MDGA2: variants seen among roughly 807,000 people sequenced by gnomAD.
MDGA2 encodes the protein MAM domain containing glycosylphosphatidylinositol anchor 2.
Under a neutral mutation model 117.8 loss-of-function variants are expected in MDGA2, and 40 were observed. The ratio of observed to expected loss-of-function variants is 0.34; its 90% CI spans 0.26 to 0.44. MDGA2 has a LOEUF of 0.44. Among genes scored for constraint, MDGA2 ranks in the 20% least tolerant of loss-of-function variants. The probability of loss-of-function intolerance (pLI) is 1.00; values close to 1 mark genes in which losing one functional copy is unlikely to be tolerated. For synonymous variants in MDGA2, 452 were observed against 439.0 expected (o/e 1.03, Z -0.37); for missense variants, 1,123 against 1,250.6 (o/e 0.90, Z 1.54).
chr14:47,168,407 C>G (rs1312813891), intron 3 of MDGA2, among the ~76,000 whole-genome samples: 1 of 151,552 alleles, frequency 6.6e-6, no homozygotes, highest in Non-Finnish European at 1.5e-5. Flanking sequence ...AATTTCATTA[C>G]CATAATTTGA....
chr14:47,041,437 T>C (rs975261852), intron 7 of MDGA2, among the ~76,000 whole-genome samples: 1 of 152,238 alleles, frequency 6.6e-6, no homozygotes. Flanking sequence ...ATTTATGCAA[T>C]GTACTTGCTA....
intron 9 of MDGA2, among the ~76,000 whole-genome samples, chr14:46,934,302 T>G (rs928900714): frequency 1.3e-5 from 2 of 152,030 alleles, no homozygotes; most frequent in Non-Finnish European, 2.9e-5. Flanking sequence ...CTTTTATAAT[T>G]TACAACTAAA....
At chr14:46,917,991 T>C (rs1349437931) in intron 10 of MDGA2, among the ~76,000 whole-genome samples, 1 of 152,126 alleles carries the variant, frequency 6.6e-6, no homozygotes, top group African/African-American at 2.4e-5. Flanking sequence ...ACACAGATAC[T>C]AAGTAGAAAC....
chr14:47,181,584 C>A (rs974706101), intron 3 of MDGA2, among the ~76,000 whole-genome samples: 2 of 152,162 alleles, frequency 1.3e-5, no homozygotes, highest in African/African-American at 4.8e-5. Context: ...ATTAATATAA[C>A]CTTAGCTTGT....
At chr14:47,053,601 G>GTATATATATATATATA (rs373802720) in intron 7 of MDGA2, among the ~76,000 whole-genome samples, 1 of 107,618 alleles carries the variant, frequency 9.3e-6, no homozygotes, top group Non-Finnish European at 1.8e-5. Context: ...GTGTGTATGT[G>GTATATATATATATATA]TATATATATA....
chr14:47,642,261 T>C (rs749039624), intron 1 of MDGA2, among the ~76,000 whole-genome samples: 1 of 152,086 alleles, frequency 6.6e-6, no homozygotes, highest in East Asian at 1.9e-4. Context: ...ACTTATCTCA[T>C]TGGACTCTTA....
chr14:47,452,254 T>C (rs1341917602), intron 1 of MDGA2, among the ~76,000 whole-genome samples: 2 of 151,976 alleles, frequency 1.3e-5, no homozygotes, highest in African/African-American at 4.8e-5. Flanking sequence ...ATTCCCCACA[T>C]TTTGCTGAAG....
intron 1 of MDGA2, among the ~76,000 whole-genome samples, chr14:47,405,736 G>T (rs992082552): frequency 6.6e-6 from 1 of 152,138 alleles, no homozygotes; most frequent in Non-Finnish European, 1.5e-5. Context: ...AGCACTTGGG[G>T]CATGAAGGCA....
In MDGA2 at chr14:47,552,951, C is replaced by T. The variant is rs567377179; in HGVS notation, c.280+121566G>A. Among the ~76,000 whole-genome samples the T allele has an allele frequency of 5.3e-5, 8 of 152,280 alleles. 1 individual carries two copies. In the East Asian group the frequency reaches 1.2e-3, roughly 22 times the overall value. ...TATCTGCTGGCTGGTTCCCTGACTT[C>T]GTTCAGATATTTACTCAAATATTAC... On this transcript the variant is annotated intron_variant, in intron 1 of 16. Coordinates refer to ENST00000399232, the MANE Select transcript of MDGA2 (RefSeq NM_001113498.3).
At chr14:47,249,501 T>C (rs1237934211) in intron 2 of MDGA2, among the ~76,000 whole-genome samples, 2 of 152,112 alleles carry the variant, frequency 1.3e-5, no homozygotes, top group African/African-American at 2.4e-5. Context: ...TATATATGTA[T>C]ATTTTAAAGA....
chr14:47,255,903 C>G (rs1180551782), intron 2 of MDGA2, among the ~76,000 whole-genome samples: 1 of 151,824 alleles, frequency 6.6e-6, no homozygotes, highest in East Asian at 2.0e-4. Flanking sequence ...TTTGTATAGT[C>G]CAGGTGTTAA....
chr14:47,184,843 T>A (rs980121549), intron 3 of MDGA2, among the ~76,000 whole-genome samples: 1 of 151,634 alleles, frequency 6.6e-6, no homozygotes, highest in Admixed American at 6.6e-5. Flanking sequence ...CACTGATTAA[T>A]GTTTAACATA....
intron 1 of MDGA2, among the ~76,000 whole-genome samples, chr14:47,511,495 G>A (rs1433314517): frequency 6.6e-6 from 1 of 151,974 alleles, no homozygotes; most frequent in Admixed American, 6.6e-5. Context: ...AGATTGTTTT[G>A]TTTATAACAC....
intron 1 of MDGA2, among the ~76,000 whole-genome samples, chr14:47,510,580 T>G (rs1216840299): frequency 6.6e-6 from 1 of 152,226 alleles, no homozygotes; most frequent in Non-Finnish European, 1.5e-5. Context: ...CAGAACATCC[T>G]TGAATAGTCA....
intron 2 of MDGA2, among the ~76,000 whole-genome samples, chr14:47,253,593 C>A (rs973482681): frequency 6.6e-6 from 1 of 152,244 alleles, no homozygotes; most frequent in Non-Finnish European, 1.5e-5. Context: ...TGTGGCTTTG[C>A]AGGGAACAGA....
chr14:47,381,114 T>C (rs1341417800), intron 1 of MDGA2, among the ~76,000 whole-genome samples: 1 of 152,142 alleles, frequency 6.6e-6, no homozygotes, highest in Admixed American at 6.5e-5. Context: ...AAAAACCACA[T>C]GATTATCTCA....
At chr14:47,665,464 G>A (rs912920619) in intron 1 of MDGA2, among the ~76,000 whole-genome samples, 13 of 152,152 alleles carry the variant, frequency 8.5e-5, no homozygotes, top group Admixed American at 2.6e-4. Context: ...CCGCTGCACC[G>A]TGGGAGCCCT....
intron 2 of MDGA2, among the ~76,000 whole-genome samples, chr14:47,277,369 C>T (rs1018904831): frequency 1.3e-5 from 2 of 152,144 alleles, no homozygotes. Flanking sequence ...GGGAGGCAGG[C>T]TTAAATAATT....
intron 8 of MDGA2, among the ~76,000 whole-genome samples, chr14:47,028,547 T>G (rs555521517): frequency 1.3e-5 from 2 of 152,284 alleles, no homozygotes; most frequent in South Asian, 4.1e-4. Context: ...ACTTTGAAGC[T>G]CTAAATTGTC....
Sources: gnomAD v4.1 joint callset for allele counts (sites outside exome capture counted in the v4.1 genomes callset) on GRCh38, gnomAD v4.1.1 for gene constraint, MANE v1.5 for transcripts, NCBI Gene and HGNC (gene_info 2026-07-23, HGNC 2026-07-21) for gene names.